Variants in REV1 observed in about 807,000 individuals in gnomAD.
REV1 encodes REV1 DNA directed polymerase.
REV1 carries 42 observed loss-of-function variants against 137.4 expected under a neutral mutation model. The ratio of observed to expected loss-of-function variants is 0.31; its 90% CI spans 0.24 to 0.40. The LOEUF (loss-of-function observed/expected upper bound fraction) is 0.40. Among genes scored for constraint, REV1 ranks in the 10% least tolerant of loss-of-function variants. REV1 has a pLI of 1.00. For synonymous variants in REV1, 524 were observed against 519.2 expected (o/e 1.01, Z -0.12); for missense variants, 1,282 against 1,490.1 (o/e 0.86, Z 2.30).
At chr2:99,403,405 T>C in intron 19 of REV1, 2 of 560,644 alleles carry the variant, frequency 3.6e-6, no homozygotes, top group Non-Finnish European at 6.3e-6. Context: ...AATGTATTCA[T>C]CTCAAAGGAC....
rs1687261195 is a variant in REV1 at position 99,487,361 on chromosome 2, C to A, written c.-11+2456G>T. On this transcript the variant is annotated intron_variant, in intron 1 of 22. Transcript: ENST00000258428. ...GATTTACATTTTTAAAAAGATCCCT[C>A]TGGTTGTCAAGGTGAATCCCTAGGG... Among the ~76,000 whole-genome samples, 2 of 119,476 alleles carry A rather than the reference C, an allele frequency of 1.7e-5. 1 individual carries two copies. The highest frequency in any genetic ancestry group is 3.7e-5 in the Non-Finnish European group (2 of 54,626). The allele number at this position is 119,476 out of a possible 152,430, so 78.4% of individuals were successfully genotyped here.
intron 1 of REV1, among the ~76,000 whole-genome samples, chr2:99,480,063 T>C (rs1388995978): frequency 1.3e-5 from 2 of 152,192 alleles, no homozygotes; most frequent in East Asian, 1.9e-4. Flanking sequence ...CTCACACCTG[T>C]ATCTCAGCAC....
At chr2:99,483,630 C>G (rs1413267201) in intron 1 of REV1, among the ~76,000 whole-genome samples, 1 of 152,138 alleles carries the variant, frequency 6.6e-6, no homozygotes, top group South Asian at 2.1e-4. Flanking sequence ...TAATAGAGGA[C>G]AAAATTTTTT....
In REV1 at chr2:99,405,972, G is replaced by GGGAAA; in HGVS notation, c.2748_2749insTTTCC (p.His917PhefsTer14). 6.2e-7 allele frequency: 1 copy of GGGAAA among 1,614,036 alleles called. No individual in the cohort carries two copies. The highest frequency in any genetic ancestry group is 8.5e-7 in the Non-Finnish European group (1 of 1,179,944). On this transcript the variant is annotated frameshift_variant, in exon 17 of 23. Coordinates refer to ENST00000258428, the MANE Select transcript of REV1 (RefSeq NM_016316.4). LOFTEE classifies it high-confidence loss of function. ...CTCGACTGCACACTGACAGGAGTATGTAGACCATTCCATTTCCCTGAAGAC... is the reference window on the plus strand; with the variant it reads ...CTCGACTGCACACTGACAGGAGTATGGGAAATAGACCATTCCATTTCCCTGAAGAC...
chr2:99,448,749 T>TTCTGTGCAC (rs1682536869), intron 4 of REV1, among the ~76,000 whole-genome samples: 2 of 152,196 alleles, frequency 1.3e-5, no homozygotes, highest in South Asian at 4.1e-4. Flanking sequence ...CACTGCCTAG[T>TTCTGTGCAC]CTTTAAGAGG....
In REV1 at chr2:99,462,477, TAAGTA is replaced by T. The variant is rs1209271569; in HGVS notation, c.181+14_181+18del. On this transcript the variant is annotated intron_variant, in intron 3 of 22. Coordinates refer to ENST00000258428, the MANE Select transcript of REV1 (RefSeq NM_016316.4). ...ATAAAAATACATGCCAAAATAGGGT[TAAGTA>T]AAAAGTACTCAACCTGTGTATCCAT... 6.3e-6 allele frequency: 10 copies of T among 1,588,086 alleles called. No individual in the cohort carries two copies. In the African/African-American group the frequency reaches 9.6e-5, roughly 15 times the overall value.
chr2:99,486,657 G>C (rs971180116), intron 1 of REV1, among the ~76,000 whole-genome samples: 1 of 152,218 alleles, frequency 6.6e-6, no homozygotes, highest in African/African-American at 2.4e-5. Flanking sequence ...GCACCACCAA[G>C]TTATTAACTT....
intron 1 of REV1, among the ~76,000 whole-genome samples, chr2:99,486,764 T>C (rs1687182553): frequency 6.6e-6 from 1 of 152,158 alleles, no homozygotes; most frequent in Non-Finnish European, 1.5e-5. Flanking sequence ...TACTATTCAT[T>C]TACTCAACAA....
At chr2:99,486,109 A>G (rs1008032526) in intron 1 of REV1, among the ~76,000 whole-genome samples, 6 of 152,246 alleles carry the variant, frequency 3.9e-5, no homozygotes, top group African/African-American at 1.2e-4. Flanking sequence ...TGGGCAACAG[A>G]GCAAGACCCT....
chr2:99,413,659 TA>T (rs1481717130), intron 12 of REV1, among the ~76,000 whole-genome samples: 1 of 152,194 alleles, frequency 6.6e-6, no homozygotes, highest in South Asian at 2.1e-4. Context: ...GAGCCCCACC[TA>T]AAGGATACTG....
intron 1 of REV1, among the ~76,000 whole-genome samples, 155 bp downstream of exon 1, chr2:99,489,662 G>A (rs1267294746): frequency 6.7e-6 from 1 of 149,316 alleles, no homozygotes; most frequent in Non-Finnish European, 1.5e-5. Context: ...CGACAGGACG[G>A]CCGCGGGCCG....
intron 11 of REV1, among the ~76,000 whole-genome samples, chr2:99,419,743 CAGA>C (rs1678412415): frequency 6.6e-6 from 1 of 152,130 alleles, no homozygotes; most frequent in South Asian, 2.1e-4. Flanking sequence ...GCAGGGGCCA[CAGA>C]AGCAGTGGAG....
At chr2:99,470,713 A>T (rs1216808551) in intron 1 of REV1, among the ~76,000 whole-genome samples, 1 of 152,192 alleles carries the variant, frequency 6.6e-6, no homozygotes, top group Non-Finnish European at 1.5e-5. Context: ...CTAAGTTGCT[A>T]GCCAATCAGA....
intron 20 of REV1, 33 bp from the exon 21 acceptor site, chr2:99,402,833 T>G (rs201461170): frequency 6.2e-7 from 1 of 1,613,700 alleles, no homozygotes; most frequent in East Asian, 2.2e-5. Flanking sequence ...AATTGCTATA[T>G]TCACACATTA....
intron 1 of REV1, among the ~76,000 whole-genome samples, chr2:99,469,075 C>T (rs1013511444): frequency 3.3e-5 from 5 of 152,164 alleles, no homozygotes; most frequent in Non-Finnish European, 5.9e-5. Flanking sequence ...AAACAAAGTT[C>T]GACTGCAGAA....
At chr2:99,406,637 C>A in intron 15 of REV1, 147 bp from the exon 16 acceptor site, 1 of 565,836 alleles carries the variant, frequency 1.8e-6, no homozygotes, top group Non-Finnish European at 2.8e-6. Context: ...AAACAGCATT[C>A]TATATGACTT....
Position 99,402,681 on chromosome 2 carries a change from C to G in REV1, c.3504G>C (p.Val1168=). The G allele has an allele frequency of 6.2e-7, 1 of 1,614,198 alleles. No homozygotes were observed. The highest frequency in any genetic ancestry group is 8.5e-7 in the Non-Finnish European group (1 of 1,180,026). Residue 1168 remains valine, a synonymous_variant, in exon 21 of 23, where the codon GTG becomes GTC. Transcript: ENST00000258428. ...TTATCCATTCTCTGAGCAAGGTCTT[C>G]ACATCATTGAATTCAACAGCTCCAG... ...NLAGAVEFND[V]KTLLREWITT...
Position 99,449,426 on chromosome 2 carries a change from G to A in REV1, c.260C>T (p.Thr87Ile). The change falls in exon 4 of 23, where the codon ACA (threonine) becomes ATA (isoleucine). Residue 87 changes from threonine to isoleucine, a missense_variant. Around this residue, in one of 7 missense-constraint regions of REV1, gnomAD observed 107 missense variants for 164.3 expected, o/e 0.65. Transcript: ENST00000258428. ...AAGATTTGTGGCAATAATATGTGTT[G>A]TTTTAGATCTGGAATAATATACATG... is the stretch of plus-strand genomic sequence containing the variant. ...QYHVYYSRSK[T>I]THIIATNLPN... is the part of the protein sequence containing the mutation. 6.4e-7 allele frequency: 1 copy of A among 1,569,958 alleles called. No individual in the cohort carries two copies. The highest frequency in any genetic ancestry group is 8.6e-7 in the Non-Finnish European group (1 of 1,159,758).
intron 1 of REV1, among the ~76,000 whole-genome samples, chr2:99,485,069 A>C (rs1354782572): frequency 6.6e-6 from 1 of 152,232 alleles, no homozygotes; most frequent in Non-Finnish European, 1.5e-5. Context: ...ACTTTTAAAA[A>C]AAAATTTACA....
Sources: gnomAD v4.1 joint callset for allele counts (sites outside exome capture counted in the v4.1 genomes callset) on GRCh38, gnomAD v4.1.1 for gene constraint, gnomAD v4.1.1 regional missense constraint, MANE v1.5 for transcripts, NCBI Gene and HGNC (gene_info 2026-07-23, HGNC 2026-07-21) for gene names.